CCSER1: variants seen among roughly 807,000 people sequenced by gnomAD.
The protein encoded by CCSER1 is serine-rich coiled-coil domain-containing protein 1.
CCSER1 carries 41 observed loss-of-function variants against 82.0 expected under a neutral mutation model. That is an observed-to-expected ratio of 0.50 (90% CI 0.39 to 0.65). The LOEUF is 0.65. Ranked by LOEUF, CCSER1 falls within the 30% of genes least tolerant of loss-of-function variation. The probability of loss-of-function intolerance (pLI) is 0.00; values close to 1 mark genes in which losing one functional copy is unlikely to be tolerated. For missense variants in CCSER1, 1,119 were observed against 1,064.2 expected, an observed-to-expected ratio of 1.05 and a Z score of -0.72; for synonymous variants, 414 against 383.9, an observed-to-expected ratio of 1.08 and a Z score of -0.92.
chr4:91,095,342 G>A (rs1724397976), intron 10 of CCSER1, among the ~76,000 whole-genome samples: 1 of 152,174 alleles, frequency 6.6e-6, no homozygotes, highest in Non-Finnish European at 1.5e-5. Context: ...GCACATGTGA[G>A]TGATTGGACT....
chr4:90,551,706 CTA>C (rs1553940962), intron 5 of CCSER1, among the ~76,000 whole-genome samples: 4,753 of 104,124 alleles, frequency 0.046, 158 homozygotes, highest in African/African-American at 0.072. Context: ...CTCTCTCTCT[CTA>C]TATATATATA....
chr4:91,174,370 G>A (rs939321969), intron 10 of CCSER1, among the ~76,000 whole-genome samples: 2 of 151,970 alleles, frequency 1.3e-5, no homozygotes, highest in African/African-American at 2.4e-5. Flanking sequence ...TAGATTTCTT[G>A]ATGCAAGAGT....
At chr4:91,406,492 C>T (rs1752710771) in intron 10 of CCSER1, among the ~76,000 whole-genome samples, 1 of 152,080 alleles carries the variant, frequency 6.6e-6, no homozygotes, top group Non-Finnish European at 1.5e-5. Context: ...TTTAAAGTTG[C>T]TAAATGTTTA....
chr4:90,160,361 A>C (rs558349167), intron 1 of CCSER1, among the ~76,000 whole-genome samples: 1 of 152,172 alleles, frequency 6.6e-6, no homozygotes, highest in Admixed American at 6.5e-5. Flanking sequence ...TGTTTATGAG[A>C]GAGATTAGAG....
chr4:91,165,005 A>G (rs1481674960), intron 10 of CCSER1, among the ~76,000 whole-genome samples: 1 of 152,194 alleles, frequency 6.6e-6, no homozygotes, highest in East Asian at 1.9e-4. Context: ...TTGAAGGAGA[A>G]GAGGTGCTCT....
intron 6 of CCSER1, among the ~76,000 whole-genome samples, chr4:90,634,703 A>C (rs910575426): frequency 1.3e-4 from 20 of 151,888 alleles, no homozygotes; most frequent in African/African-American, 4.3e-4. Context: ...GTGGAGAGTC[A>C]TAAAGTAAAG....
At chr4:91,465,851 G>A (rs1480944709) in intron 10 of CCSER1, among the ~76,000 whole-genome samples, 2 of 152,132 alleles carry the variant, frequency 1.3e-5, no homozygotes, top group Non-Finnish European at 2.9e-5. Context: ...TGAAATTTAG[G>A]CAATAATTAA....
intron 9 of CCSER1, among the ~76,000 whole-genome samples, chr4:90,927,576 A>G (rs1339717325): frequency 2.0e-5 from 3 of 152,076 alleles, no homozygotes; most frequent in East Asian, 3.9e-4. Context: ...TATTTTTTCA[A>G]ATATTTTAAC....
chr4:90,293,523 T>A (rs1332187768), intron 1 of CCSER1, among the ~76,000 whole-genome samples: 1 of 151,264 alleles, frequency 6.6e-6, no homozygotes, highest in Non-Finnish European at 1.5e-5. Context: ...AAAAGGAAGA[T>A]CTCCTGCACC....
At chr4:90,491,494 T>C (rs573052206) in intron 5 of CCSER1, among the ~76,000 whole-genome samples, 1 of 152,324 alleles carries the variant, frequency 6.6e-6, no homozygotes, top group Non-Finnish European at 1.5e-5. Flanking sequence ...TTTTCCTAAT[T>C]GAATACCCTT....
intron 9 of CCSER1, among the ~76,000 whole-genome samples, chr4:90,943,857 T>C (rs975685346): frequency 2.7e-5 from 4 of 148,532 alleles, no homozygotes; most frequent in Non-Finnish European, 4.5e-5. Flanking sequence ...ATTACAGGCA[T>C]GAGCCACTGC....
intron 10 of CCSER1, among the ~76,000 whole-genome samples, chr4:91,282,965 G>A (rs891895229): frequency 6.6e-6 from 1 of 151,932 alleles, no homozygotes; most frequent in Non-Finnish European, 1.5e-5. Context: ...CTAAGCATAA[G>A]AGCTTTACAG....
At chr4:90,162,012 A>G (rs984852317) in intron 1 of CCSER1, among the ~76,000 whole-genome samples, 2 of 152,154 alleles carry the variant, frequency 1.3e-5, no homozygotes, top group African/African-American at 4.8e-5. Context: ...TATCAAGTCT[A>G]TTCTTCTGGC....
intron 4 of CCSER1, among the ~76,000 whole-genome samples, chr4:90,412,027 C>T (rs556051420): frequency 5.3e-5 from 8 of 151,728 alleles, no homozygotes; most frequent in African/African-American, 7.3e-5. Flanking sequence ...ATGTTTATTG[C>T]GGCACTATTC....
At chr4:90,946,003 A>G (rs1732191694) in intron 9 of CCSER1, among the ~76,000 whole-genome samples, 1 of 152,152 alleles carries the variant, frequency 6.6e-6, no homozygotes, top group Non-Finnish European at 1.5e-5. Flanking sequence ...ATTAGCAATC[A>G]AGTATTCTGC....
At chr4:90,662,306 T>C (rs1009486033) in intron 6 of CCSER1, among the ~76,000 whole-genome samples, 4 of 152,070 alleles carry the variant, frequency 2.6e-5, no homozygotes, top group Non-Finnish European at 5.9e-5. Context: ...CGTCCTATAC[T>C]ACTCTTTTAT....
At chr4:91,148,892 C>T (rs1729824354) in intron 10 of CCSER1, among the ~76,000 whole-genome samples, 2 of 152,194 alleles carry the variant, frequency 1.3e-5, no homozygotes, top group South Asian at 4.1e-4. Context: ...CATTGATGGA[C>T]ATTTGGGTTG....
chr4:91,395,964 AAT>A (rs1751953488), intron 10 of CCSER1, among the ~76,000 whole-genome samples: 1 of 152,078 alleles, frequency 6.6e-6, no homozygotes, highest in Non-Finnish European at 1.5e-5. Context: ...AAATATGAAG[AAT>A]ATATGTTTGC....
chr4:90,203,340 C>G (rs1367806397), intron 1 of CCSER1, among the ~76,000 whole-genome samples: 1 of 152,160 alleles, frequency 6.6e-6, no homozygotes, highest in Non-Finnish European at 1.5e-5. Context: ...AATGCTATCC[C>G]TCTCCTAGCT....
Sources: allele counts gnomAD v4.1 joint callset (sites outside exome capture counted in the v4.1 genomes callset), GRCh38; gene constraint gnomAD v4.1.1; transcripts MANE v1.5; gene names NCBI Gene and HGNC (gene_info 2026-07-23, HGNC 2026-07-21).